TBC1D5: variants seen among roughly 807,000 people sequenced by gnomAD.
TBC1D5 encodes the protein TBC1 domain family, member 5.
A neutral mutation model predicts 100.3 loss-of-function variants in TBC1D5; 75 were observed. The observed-to-expected ratio is 0.75, with a 90% CI of 0.62 to 0.91. TBC1D5 has a LOEUF of 0.91. Among genes scored for constraint, TBC1D5 ranks in the 40% least tolerant of loss-of-function variants. The pLI, the probability that TBC1D5 is intolerant of heterozygous loss-of-function variation, is 0.00. For missense variants in TBC1D5, 910 were observed against 942.4 expected, an observed-to-expected ratio of 0.97 and a Z score of 0.45; for synonymous variants, 323 against 325.6, an observed-to-expected ratio of 0.99 and a Z score of 0.09.
chr3:17,698,235 G>A (rs1444568074), intron 1 of TBC1D5, among the ~76,000 whole-genome samples: 12 of 152,248 alleles, frequency 7.9e-5, no homozygotes, highest in East Asian at 5.8e-4. Flanking sequence ...CAGAAATAAC[G>A]CCGCATATCT....
At position 17,455,167 on chromosome 3, in the gene TBC1D5, C is replaced by T. The variant is rs559636913; in HGVS notation, c.98-26648G>A. Reference sequence around the variant, plus strand: ...CCTAAGCCAAAAAAAAAAAAGTATACACACACACACACACACGTGTGTGTG... The same window carrying T: ...CCTAAGCCAAAAAAAAAAAAGTATATACACACACACACACACGTGTGTGTG... On this transcript the variant is annotated intron_variant, in intron 3 of 21. Transcript: ENST00000253692. Among the ~76,000 whole-genome samples, 151 of 129,130 alleles carry T rather than the reference C, an allele frequency of 1.2e-3. 2 individuals are homozygous for T. The South Asian group carries it at 0.019, about 17-fold the overall frequency. The allele number at this position is 129,130 out of a possible 152,430, so 84.7% of individuals were successfully genotyped here.
intron 18 of TBC1D5, among the ~76,000 whole-genome samples, chr3:17,192,619 G>T (rs1057003980): frequency 1.2e-4 from 18 of 152,306 alleles, no homozygotes; most frequent in African/African-American, 4.3e-4. Flanking sequence ...AATGTAAATG[G>T]AAATGGCCTT....
At chr3:17,289,795 G>T (rs922179677) in intron 15 of TBC1D5, among the ~76,000 whole-genome samples, 2 of 152,262 alleles carry the variant, frequency 1.3e-5, no homozygotes. Flanking sequence ...CAGAGCCAAG[G>T]TTTGACCCAA....
chr3:17,385,623 C>T (rs1400392905), intron 8 of TBC1D5, among the ~76,000 whole-genome samples: 1 of 151,882 alleles, frequency 6.6e-6, no homozygotes, highest in East Asian at 1.9e-4. Flanking sequence ...GTCCATTTTA[C>T]ATTCATCTGT....
chr3:17,302,024 T>G (rs1038028756), intron 14 of TBC1D5, among the ~76,000 whole-genome samples: 2 of 152,186 alleles, frequency 1.3e-5, no homozygotes, highest in Non-Finnish European at 2.9e-5. Flanking sequence ...TAACAGAAAT[T>G]TACTGTTTCA....
At chr3:17,462,227 T>C (rs925942900) in intron 3 of TBC1D5, among the ~76,000 whole-genome samples, 1 of 152,100 alleles carries the variant, frequency 6.6e-6, no homozygotes, top group African/African-American at 2.4e-5. Flanking sequence ...CTCTGTTCTT[T>C]CCTAATAAAT....
intron 17 of TBC1D5, among the ~76,000 whole-genome samples, chr3:17,234,280 A>G (rs1011661126): frequency 6.6e-6 from 1 of 152,160 alleles, no homozygotes; most frequent in Non-Finnish European, 1.5e-5. Flanking sequence ...AAATGTCAAC[A>G]TGTAAAAATA....
rs1199759539 is a variant in TBC1D5 at position 17,167,847 on chromosome 3, C to T, written c.1853-19G>A. The T allele has an allele frequency of 2.0e-6, 3 of 1,536,342 alleles. No homozygotes were observed. Among genetic ancestry groups the T allele is most frequent in the Middle Eastern group, 1.7e-4 (1 of 5,884 alleles). ...ATATTTACTGAAAATAGAAGAATGA[C>T]ATTTTATAACCAATGCTCTGAGCAT... On this transcript the variant is annotated intron_variant, in intron 19 of 21. Coordinates refer to ENST00000253692, the Ensembl canonical transcript of TBC1D5.
chr3:17,380,731 T>A lies in TBC1D5; in HGVS notation c.612+3182A>T, dbSNP rs77690909. Among the ~76,000 whole-genome samples, 524 of 152,188 alleles carry A rather than the reference T, an allele frequency of 3.4e-3. 1 individual carries two copies. The highest frequency in any genetic ancestry group is 5.5e-3 in the Non-Finnish European group (377 of 67,978). On this transcript the variant is annotated intron_variant, in intron 9 of 21. Transcript: ENST00000253692. The stretch of plus-strand genomic sequence containing the variant: ...TCACAAAATTGAACCTGTTCTTTTA[T>A]CTGCCTGTGTTCATTTAGCCCACCA...
chr3:17,604,421 C>G (rs1049114684), intron 2 of TBC1D5, among the ~76,000 whole-genome samples: 4 of 152,134 alleles, frequency 2.6e-5, no homozygotes, highest in Non-Finnish European at 4.4e-5. Context: ...AAACAGAGCT[C>G]AGAGGGTAAC....
intron 13 of TBC1D5, among the ~76,000 whole-genome samples, chr3:17,314,410 AT>A (rs989865524): frequency 6.6e-6 from 1 of 152,018 alleles, no homozygotes; most frequent in Non-Finnish European, 1.5e-5. Flanking sequence ...CTGAACATAC[AT>A]TCTAAGCAGT....
intron 3 of TBC1D5, among the ~76,000 whole-genome samples, chr3:17,464,327 T>TGCCA (rs932512645): frequency 6.6e-6 from 1 of 152,162 alleles, no homozygotes; most frequent in African/African-American, 2.4e-5. Context: ...CAAACCAAGA[T>TGCCA]GCCACCACAC....
intron 13 of TBC1D5, among the ~76,000 whole-genome samples, chr3:17,321,626 G>GTTC (rs1235310249): frequency 6.6e-6 from 1 of 152,066 alleles, no homozygotes; most frequent in African/African-American, 2.4e-5. Flanking sequence ...AAACCAATAG[G>GTTC]TTCTAATCAA....
At chr3:17,284,220 C>G (rs951308654) in intron 15 of TBC1D5, among the ~76,000 whole-genome samples, 4 of 151,986 alleles carry the variant, frequency 2.6e-5, no homozygotes, top group Non-Finnish European at 4.4e-5. Context: ...CAAGTTCAAG[C>G]GATTCTCATG....
chr3:17,385,684 G>A (rs1200556988), intron 8 of TBC1D5, among the ~76,000 whole-genome samples: 1 of 151,540 alleles, frequency 6.6e-6, no homozygotes, highest in Non-Finnish European at 1.5e-5. Flanking sequence ...AGACAGGTTT[G>A]GTTTTTTGTT....
In TBC1D5 at chr3:17,605,552, G is replaced by C. The variant is rs142094176; in HGVS notation, c.-36+18297C>G. ...GTTAAATTGTGTTTGAAAGAGTTTGGGCAGTAGGAACAAATATTTAAAAAG... is the reference window on the plus strand; with the variant it reads ...GTTAAATTGTGTTTGAAAGAGTTTGCGCAGTAGGAACAAATATTTAAAAAG... On this transcript the variant is annotated intron_variant, in intron 2 of 21. Transcript: ENST00000253692. 9.7e-4 allele frequency among the ~76,000 whole-genome samples: 148 copies of C among 152,208 alleles called. No homozygotes were observed. The East Asian group carries it at 0.026, about 27-fold the overall frequency.
intron 3 of TBC1D5, among the ~76,000 whole-genome samples, chr3:17,469,957 CTCAT>C (rs2095354005): frequency 1.3e-5 from 2 of 152,210 alleles, no homozygotes; most frequent in Admixed American, 1.3e-4. Flanking sequence ...AGTTAATCAT[CTCAT>C]TTTGATCCAC....
rs75122342 is a variant in TBC1D5, at chr3:17,179,255, A to T, written c.1852+5854T>A. ...TCTTTTTTCATAGTGTAGTTGACAG[A>T]GAGAAAGCTGTCTGGTGATCACATT... On this transcript the variant is annotated intron_variant, in intron 19 of 21. Transcript: ENST00000253692. Among the ~76,000 whole-genome samples the T allele has an allele frequency of 4.8e-3, 725 of 152,364 alleles. 11 individuals carry two copies. The East Asian group carries it at 0.068, about 14-fold the overall frequency.
chr3:17,430,831 A>T (rs1046899488), intron 3 of TBC1D5, among the ~76,000 whole-genome samples: 8 of 152,050 alleles, frequency 5.3e-5, no homozygotes, highest in African/African-American at 1.9e-4. Context: ...TAATTCTGTA[A>T]AATTGTGTAT....
Sources: allele counts gnomAD v4.1 joint callset (sites outside exome capture counted in the v4.1 genomes callset), GRCh38; gene constraint gnomAD v4.1.1; transcripts MANE v1.5; gene names NCBI Gene and HGNC (gene_info 2026-07-23, HGNC 2026-07-21).